The following SRSF4 variants were observed in gnomAD, a reference collection of about 807,000 sequenced individuals.
SRSF4 encodes serine and arginine rich splicing factor 4.
Under a neutral mutation model 48.8 loss-of-function variants are expected in SRSF4, and 12 were observed. That is an observed-to-expected ratio of 0.25 (90% CI 0.16 to 0.40). The LOEUF is 0.40. Among genes scored for constraint, SRSF4 ranks in the 10% least tolerant of loss-of-function variants. The pLI, the probability that SRSF4 is intolerant of heterozygous loss-of-function variation, is 1.00. For synonymous variants in SRSF4, 248 were observed against 232.5 expected (o/e 1.07, Z -0.61); for missense variants, 466 against 667.1 (o/e 0.70, Z 3.32).
chr1:29,150,209 T>C lies in SRSF4; in HGVS notation c.579-17A>G, dbSNP rs774505455. On this transcript the variant is annotated splice_polypyrimidine_tract_variant and intron_variant, in intron 4 of 5. Coordinates refer to ENST00000373795, the MANE Select transcript of SRSF4 (RefSeq NM_005626.5). ...GAGCGAGACCTAGGGGGAGAAAATATTTTTTAATACTTGCTGACAAGAGGC... is the reference window on the plus strand; with the variant it reads ...GAGCGAGACCTAGGGGGAGAAAATACTTTTTAATACTTGCTGACAAGAGGC... 6.2e-7 allele frequency: 1 copy of C among 1,606,158 alleles called. No individual in the cohort carries two copies. Among genetic ancestry groups the C allele is most frequent in the South Asian group, 1.1e-5 (1 of 90,898 alleles).
chr1:29,149,687 G>GA (rs539756933), intron 5 of SRSF4, among the ~76,000 whole-genome samples: 1,494 of 92,368 alleles, frequency 0.016, 43 homozygotes, highest in Middle Eastern at 0.028. Context: ...TCTTGAGGGG[G>GA]GAAAAAAAAA....
intron 4 of SRSF4, among the ~76,000 whole-genome samples, chr1:29,151,482 G>A (rs933095073): frequency 2.0e-5 from 3 of 152,166 alleles, no homozygotes; most frequent in Non-Finnish European, 4.4e-5. Context: ...GGGCGACAGA[G>A]CAAGAGTCCG....
chr1:29,165,567 T>G (rs145989669), intron 1 of SRSF4, among the ~76,000 whole-genome samples: 44 of 152,322 alleles, frequency 2.9e-4, no homozygotes, highest in African/African-American at 9.4e-4. Context: ...CTGAATAGGA[T>G]TTACCTCAAC....
chr1:29,181,619 G>A (rs770559549), intron 1 of SRSF4, 27 bp downstream of exon 1: 2 of 1,561,354 alleles, frequency 1.3e-6, no homozygotes, highest in South Asian at 1.2e-5. Context: ...GTCCCCGCCC[G>A]GCCGGACCCT....
At chr1:29,162,417 C>A (rs964842468) in intron 1 of SRSF4, among the ~76,000 whole-genome samples, 4 of 152,114 alleles carry the variant, frequency 2.6e-5, no homozygotes, top group African/African-American at 9.7e-5. Context: ...ATTAGGAAAA[C>A]TATACTATTA....
In SRSF4 at chr1:29,160,576, A is replaced by G. The variant is rs923877992; in HGVS notation, c.108-59T>C. 8.5e-6 allele frequency: 13 copies of G among 1,531,110 alleles called. No individual in the cohort carries two copies. In the South Asian group the frequency reaches 1.0e-4, roughly 12 times the overall value. 94.8% of individuals were successfully genotyped at this position (1,531,110 alleles called of 1,614,324 possible). A position where few individuals can be genotyped will look rare whatever the true frequency, so the allele number is the denominator to read the frequency against. On this transcript the variant is annotated intron_variant, in intron 1 of 5. Transcript: ENST00000373795. ...CATTTTGACATCCAGCTTCACTAAC[A>G]TTAAAGAGAAAGCAATGAGGTTCAT...
intron 1 of SRSF4, among the ~76,000 whole-genome samples, chr1:29,161,950 C>G (rs1672603553): frequency 6.6e-6 from 1 of 152,214 alleles, no homozygotes; most frequent in African/African-American, 2.4e-5. Context: ...AGTGAGAACT[C>G]AGAATTGTGG....
At chr1:29,159,563 T>A (rs1672561130) in intron 2 of SRSF4, 77 bp from the exon 3 acceptor site, 3 of 860,384 alleles carry the variant, frequency 3.5e-6, no homozygotes, top group Non-Finnish European at 5.4e-6. Flanking sequence ...CACCCCCCCT[T>A]AAATATATTA....
intron 1 of SRSF4, among the ~76,000 whole-genome samples, chr1:29,178,444 C>T (rs1460668814): frequency 1.3e-5 from 2 of 150,630 alleles, no homozygotes; most frequent in Non-Finnish European, 3.0e-5. Context: ...CCCAGGTTCA[C>T]GCCATTCTCC....
At chr1:29,169,043 C>T (rs1297754244) in intron 1 of SRSF4, 4 of 152,216 alleles carry the variant, frequency 2.6e-5, no homozygotes, top group Non-Finnish European at 4.4e-5. Context: ...TAACATGCAG[C>T]CCACTAGGAC....
chr1:29,163,250 G>A (rs1304034177), intron 1 of SRSF4, among the ~76,000 whole-genome samples: 6 of 152,002 alleles, frequency 3.9e-5, no homozygotes, highest in African/African-American at 1.5e-4. Context: ...CCTGTTTTGG[G>A]GGTATCCAAA....
intron 1 of SRSF4, among the ~76,000 whole-genome samples, chr1:29,165,313 C>T (rs1348663394): frequency 6.6e-6 from 1 of 152,168 alleles, no homozygotes; most frequent in Admixed American, 6.5e-5. Context: ...CGCTCATCTT[C>T]GTCATTCAAT....
chr1:29,155,490 A>G (rs890607216), intron 3 of SRSF4, among the ~76,000 whole-genome samples: 1 of 152,184 alleles, frequency 6.6e-6, no homozygotes, highest in Non-Finnish European at 1.5e-5. Flanking sequence ...ATCATCTTCT[A>G]AATTTAAAAA....
intron 4 of SRSF4, among the ~76,000 whole-genome samples, chr1:29,153,339 G>A (rs1273454515): frequency 6.6e-6 from 1 of 151,818 alleles, no homozygotes; most frequent in Non-Finnish European, 1.5e-5. Context: ...GTAGAGATGG[G>A]GTTTCATCAC....
In SRSF4 at chr1:29,148,559, A is replaced by C. The variant is rs1217915692; in HGVS notation, c.1336T>G (p.Ser446Ala). The C allele has an allele frequency of 6.2e-7, 1 of 1,613,894 alleles. No homozygotes were observed. The highest frequency in any genetic ancestry group is 2.2e-5 in the East Asian group (1 of 44,880). Residue 446 changes from serine to alanine, a missense_variant, in exon 6 of 6, where the codon TCC becomes GCC. This residue lies in a region of SRSF4 where 402 missense variants were observed against 437.0 expected (regional missense o/e 0.92). Coordinates refer to ENST00000373795, the MANE Select transcript of SRSF4 (RefSeq NM_005626.5). ...AGGTTTGGTTTCGATTTGGAATTGGATCTCGACCTGGACCGGGTCTCCTGA... is the reference window on the plus strand; with the variant it reads ...AGGTTTGGTTTCGATTTGGAATTGGCTCTCGACCTGGACCGGGTCTCCTGA... The part of the protein sequence containing the change: ...TNQETRSRSR[S>A]NSKSKPNLPS...
chr1:29,148,862 T>G lies in SRSF4; in HGVS notation c.1033A>C (p.Arg345=), dbSNP rs1406501899. ...RSKGGSRSRS[R]SRSKSKDKRK... ...TTGTCCTTGCTCTTGCTGCGGCTCC[T>G]GCTCCGGCTCCTGCTGCCCCCTTTG... The change falls in exon 6 of 6, where the codon AGG becomes CGG. Residue 345 remains arginine (R), a synonymous_variant. Transcript: ENST00000373795. 3.7e-6 allele frequency: 6 copies of G among 1,603,464 alleles called. No homozygotes were observed. The highest frequency in any genetic ancestry group is 5.1e-6 in the Non-Finnish European group (6 of 1,171,916).
At chr1:29,179,554 G>A (rs1302098132) in intron 1 of SRSF4, among the ~76,000 whole-genome samples, 1 of 151,996 alleles carries the variant, frequency 6.6e-6, no homozygotes, top group African/African-American at 2.4e-5. Context: ...TTAGAGATGG[G>A]GTCAGGCTGG....
chr1:29,170,475 T>C (rs1672731402), intron 1 of SRSF4: 1 of 152,192 alleles, frequency 6.6e-6, no homozygotes, highest in Non-Finnish European at 1.5e-5. Flanking sequence ...TCATTAAAGA[T>C]GATGCCTCTT....
At chr1:29,172,975 TGA>T (rs1463643342) in intron 1 of SRSF4, 1 of 152,020 alleles carries the variant, frequency 6.6e-6, no homozygotes, top group Non-Finnish European at 1.5e-5. Flanking sequence ...AGAAAATACA[TGA>T]GATAAATTAA....
Sources: allele counts gnomAD v4.1 joint callset (sites outside exome capture counted in the v4.1 genomes callset), GRCh38; gene constraint gnomAD v4.1.1; regional missense constraint gnomAD v4.1.1; transcripts MANE v1.5; gene names NCBI Gene and HGNC (gene_info 2026-07-23, HGNC 2026-07-21).